Variants in RTN1 observed in about 807,000 individuals in gnomAD.
The protein encoded by RTN1 is reticulon-1.
RTN1 carries 25 observed loss-of-function variants against 65.5 expected under a neutral mutation model. The observed-to-expected ratio is 0.38, with a 90% CI of 0.28 to 0.53. The LOEUF (loss-of-function observed/expected upper bound fraction) is 0.53, where lower values mean the gene tolerates loss of function less well. Ranked by LOEUF, RTN1 falls within the 20% of genes least tolerant of loss-of-function variation. RTN1 has a pLI of 0.79. For missense variants in RTN1, 983 were observed against 1,025.4 expected (o/e 0.96, Z 0.57); for synonymous variants, 471 against 447.6 (o/e 1.05, Z -0.66).
At position 59,766,240 on chromosome 14, in the gene RTN1, T is replaced by A. The variant is rs991052040; in HGVS notation, c.242-19759A>T. Among the ~76,000 whole-genome samples, 6 of 145,980 alleles carry A rather than the reference T, an allele frequency of 4.1e-5. No individual in the cohort carries two copies. The highest frequency in any genetic ancestry group is 6.1e-5 in the Non-Finnish European group (4 of 65,860). ...GTGAGACGCTGTCAAAAAAAAAAAA[T>A]TCATTAACAATTACCTAGAATTTAA... On this transcript the variant is annotated intron_variant, in intron 1 of 8. Coordinates refer to ENST00000267484, the MANE Select transcript of RTN1 (RefSeq NM_021136.3). The surrounding 1 kb of genome is among the most constrained non-coding windows in gnomAD (Gnocchi z 4.4).
chr14:59,764,211 A>G (rs1323809159), intron 1 of RTN1, among the ~76,000 whole-genome samples: 2 of 152,214 alleles, frequency 1.3e-5, no homozygotes, highest in Admixed American at 1.3e-4. Context: ...ACAAGGATCC[A>G]GTGACTGTTT....
intron 3 of RTN1, among the ~76,000 whole-genome samples, chr14:59,656,066 G>A (rs1883116684): frequency 6.6e-6 from 1 of 152,272 alleles, no homozygotes; most frequent in East Asian, 1.9e-4. Flanking sequence ...AAAAAGGAAG[G>A]AAGTATTTTG....
chr14:59,653,321 A>C lies in RTN1; in HGVS notation c.1766-45829T>G, dbSNP rs192258595. 8.9e-4 allele frequency among the ~76,000 whole-genome samples: 135 copies of C among 152,316 alleles called. 1 individual carries two copies. Among genetic ancestry groups the C allele is most frequent in the Non-Finnish European group, 1.1e-3 (76 of 68,018 alleles). On this transcript the variant is annotated intron_variant, in intron 3 of 8. Coordinates refer to ENST00000267484, the MANE Select transcript of RTN1 (RefSeq NM_021136.3). ...ATTTTATATCCAGAAAATTATCTAAAACTGAAGGTGAAATAAAGACATCCC... is the reference window on the plus strand; with the variant it reads ...ATTTTATATCCAGAAAATTATCTAACACTGAAGGTGAAATAAAGACATCCC...
At chr14:59,676,112 A>T (rs1883621700) in intron 3 of RTN1, among the ~76,000 whole-genome samples, 1 of 152,222 alleles carries the variant, frequency 6.6e-6, no homozygotes, top group African/African-American at 2.4e-5. Context: ...ATAGTGACTG[A>T]CATATGGCAG....
At chr14:59,708,459 C>T (rs1170409508) in intron 3 of RTN1, among the ~76,000 whole-genome samples, 1 of 152,218 alleles carries the variant, frequency 6.6e-6, no homozygotes, top group Non-Finnish European at 1.5e-5. Context: ...TGTTAGACAG[C>T]GTGGCTCATC....
intron 3 of RTN1, among the ~76,000 whole-genome samples, chr14:59,695,388 C>T (rs993936983): frequency 6.6e-6 from 1 of 152,164 alleles, no homozygotes; most frequent in African/African-American, 2.4e-5. Context: ...TGTGAGGGAA[C>T]ACGATGTTCA....
At chr14:59,711,652 T>G (rs543772494) in intron 3 of RTN1, among the ~76,000 whole-genome samples, 1 of 152,354 alleles carries the variant, frequency 6.6e-6, no homozygotes, top group African/African-American at 2.4e-5. Flanking sequence ...TAGGCATCAC[T>G]GTAAGCACTA....
At chr14:59,831,909 G>C (rs1005291953) in intron 1 of RTN1, among the ~76,000 whole-genome samples, 6 of 152,022 alleles carry the variant, frequency 3.9e-5, no homozygotes, top group African/African-American at 1.4e-4. Context: ...CATGTCTCTA[G>C]CATCACACTG....
At chr14:59,607,927 C>A (rs1398799375) in intron 3 of RTN1, among the ~76,000 whole-genome samples, 1 of 151,532 alleles carries the variant, frequency 6.6e-6, no homozygotes, top group Non-Finnish European at 1.5e-5. Flanking sequence ...AGAGAGAGAG[C>A]CCCTGGAGCT....
At chr14:59,612,305 G>A (rs1881975129) in intron 3 of RTN1, among the ~76,000 whole-genome samples, 1 of 152,174 alleles carries the variant, frequency 6.6e-6, no homozygotes, top group Admixed American at 6.5e-5. Flanking sequence ...CAAGTGAGCA[G>A]GGTCATCAGA....
chr14:59,731,139 T>C (rs1307692824), intron 2 of RTN1, among the ~76,000 whole-genome samples: 2 of 152,116 alleles, frequency 1.3e-5, no homozygotes, highest in East Asian at 1.9e-4. Context: ...TAAATAAAAA[T>C]GTAATATATC....
intron 1 of RTN1, among the ~76,000 whole-genome samples, chr14:59,756,974 C>T (rs1885653127): frequency 6.6e-6 from 1 of 152,046 alleles, no homozygotes; most frequent in South Asian, 2.1e-4. Context: ...CAGGCATGAG[C>T]CACTGCATCT....
chr14:59,747,725 T>C (rs755253716), intron 1 of RTN1, among the ~76,000 whole-genome samples: 2 of 152,202 alleles, frequency 1.3e-5, no homozygotes, highest in Non-Finnish European at 2.9e-5. Context: ...GAGGCGTCAC[T>C]ATATGCTAAG....
rs1241076853 is a variant in RTN1 at position 59,596,592 on chromosome 14, A to G, written c.*153T>C. 4.6e-6 allele frequency: 3 copies of G among 656,942 alleles called. No homozygotes were observed. The highest frequency in any genetic ancestry group is 8.4e-6 in the Non-Finnish European group (3 of 358,628). 40.7% of individuals were successfully genotyped at this position (656,942 alleles called of 1,614,324 possible). ...CTCAAATATCCTAAGAGTACAAGGA[A>G]CAGCCTAAAAACAGCTGTTTTAAGG... On this transcript the variant is annotated 3_prime_UTR_variant, in exon 9 of 9. Transcript: ENST00000267484.
At chr14:59,654,298 C>T (rs989291311) in intron 3 of RTN1, among the ~76,000 whole-genome samples, 4 of 152,024 alleles carry the variant, frequency 2.6e-5, no homozygotes, top group South Asian at 2.1e-4. Context: ...CATGGTGGCT[C>T]GTGCCTGTAG....
intron 3 of RTN1, among the ~76,000 whole-genome samples, chr14:59,648,891 C>G (rs921674352): frequency 5.9e-5 from 9 of 152,284 alleles, no homozygotes; most frequent in African/African-American, 1.7e-4. Context: ...CGAGGATGCC[C>G]TCTCTCACCA....
chr14:59,750,007 CAT>C lies in RTN1; in HGVS notation c.242-3528_242-3527del, dbSNP rs1373670471. ...ATATTATATACATATATATTATATA[CAT>C]ATATATTATATATTATATTATATAC... On this transcript the variant is annotated intron_variant, in intron 1 of 8. Coordinates refer to ENST00000267484, the MANE Select transcript of RTN1 (RefSeq NM_021136.3). 4.6e-3 allele frequency among the ~76,000 whole-genome samples: 346 copies of C among 74,684 alleles called. 20 individuals are homozygous for C. In the Admixed American group the frequency reaches 0.076, roughly 16 times the overall value. 49.0% of individuals were successfully genotyped at this position (74,684 alleles called of 152,430 possible). A position where few individuals can be genotyped will look rare whatever the true frequency, so the allele number is the denominator to read the frequency against.
chr14:59,815,426 T>C (rs1886802210), intron 1 of RTN1, among the ~76,000 whole-genome samples: 1 of 152,246 alleles, frequency 6.6e-6, no homozygotes, highest in South Asian at 2.1e-4. Flanking sequence ...TGCTTAAATC[T>C]CTCCCAGACT....
Position 59,727,444 on chromosome 14 carries a change from C to G in RTN1, c.1240G>C (p.Glu414Gln), listed in dbSNP as rs761052970. ...SSAESGDSEI[E>Q]LVSEDPMAAE... ...GCCATGGGGTCCTCGGACACCAGCTCGATCTCTGAGTCCCCCGACTCCGCG... is the reference window on the plus strand; with the variant it reads ...GCCATGGGGTCCTCGGACACCAGCTGGATCTCTGAGTCCCCCGACTCCGCG... The change falls in exon 3 of 9, where the codon GAG becomes CAG. Residue 414 changes from glutamate to glutamine, a missense_variant. Transcript: ENST00000267484. This position sits in a 1 kb window ranked among gnomAD's most constrained non-coding sequence, Gnocchi z 4.2. The G allele has an allele frequency of 6.4e-7, 1 of 1,556,254 alleles. No individual in the cohort carries two copies. The highest frequency in any genetic ancestry group is 1.4e-5 in the African/African-American group (1 of 73,572).
Sources: allele counts gnomAD v4.1 joint callset (sites outside exome capture counted in the v4.1 genomes callset), GRCh38; gene constraint gnomAD v4.1.1; non-coding constraint Gnocchi (gnomAD v3.1); transcripts MANE v1.5; gene names NCBI Gene and HGNC (gene_info 2026-07-23, HGNC 2026-07-21).